Variants in SCN1A observed in about 807,000 individuals in gnomAD.
SCN1A encodes sodium channel protein type 1 subunit alpha.
Under a neutral mutation model 193.7 loss-of-function variants are expected in SCN1A, and 13 were observed. The ratio of observed to expected loss-of-function variants is 0.07; its 90% CI spans 0.04 to 0.11. The LOEUF is 0.11. Ranked by LOEUF, SCN1A falls within the 10% of genes least tolerant of loss-of-function variation. The probability of loss-of-function intolerance (pLI) is 1.00; values close to 1 mark genes in which losing one functional copy is unlikely to be tolerated. For missense variants in SCN1A, 1,432 were observed against 2,451.1 expected (o/e 0.58, Z 8.78); for synonymous variants, 781 against 843.6 (o/e 0.93, Z 1.29).
chr2:165,994,670 CAAACAAACA>C (rs1689770079), intron 27 of SCN1A, among the ~76,000 whole-genome samples: 1 of 151,632 alleles, frequency 6.6e-6, no homozygotes, highest in Non-Finnish European at 1.5e-5. Flanking sequence ...AACAAACAAA[CAAACAAACA>C]AAAGAAACAT....
Position 166,061,741 on chromosome 2 carries a change from T to G in SCN1A, c.265-3053A>C, listed in dbSNP as rs879521284. On this transcript the variant is annotated intron_variant, in intron 4 of 28. Transcript: ENST00000674923. ...AAAAGGAGGTATAAAGGGCTGAAACTAAGTAAGATGAGTTTAATGAAACCA... is the reference window on the plus strand; with the variant it reads ...AAAAGGAGGTATAAAGGGCTGAAACGAAGTAAGATGAGTTTAATGAAACCA... Among the ~76,000 whole-genome samples, 5 of 152,160 alleles carry G rather than the reference T, an allele frequency of 3.3e-5. 1 individual carries two copies. The highest frequency in any genetic ancestry group is 4.1e-4 in the South Asian group (2 of 4,826).
intron 22 of SCN1A, 111 bp from the exon 23 acceptor site, chr2:166,009,952 G>A: frequency 5.8e-6 from 6 of 1,036,626 alleles, no homozygotes; most frequent in Admixed American, 1.9e-5. Context: ...GAGGATAAAT[G>A]TTCAGACATT....
At chr2:166,120,551 A>G (rs1690435687) in intron 2 of SCN1A, among the ~76,000 whole-genome samples, 1 of 149,154 alleles carries the variant, frequency 6.7e-6, no homozygotes, top group Non-Finnish European at 1.5e-5. Context: ...CATTCTTTCA[A>G]CCTTCCAGCA....
At chr2:166,047,527 G>T in intron 11 of SCN1A, 100 bp downstream of exon 11, 2 of 1,340,094 alleles carry the variant, frequency 1.5e-6, no homozygotes, top group Non-Finnish European at 2.1e-6. Context: ...TTCAAGTTCT[G>T]CTCTTTCTAC....
intron 1 of SCN1A, among the ~76,000 whole-genome samples, chr2:166,135,151 CAAG>C (rs1454442815): frequency 6.6e-6 from 1 of 152,058 alleles, no homozygotes; most frequent in East Asian, 1.9e-4. Context: ...AAGCTATTAC[CAAG>C]AACAATATGA....
chr2:166,049,803 C>A (rs1698322846), intron 9 of SCN1A, among the ~76,000 whole-genome samples: 1 of 151,878 alleles, frequency 6.6e-6, no homozygotes, highest in East Asian at 1.9e-4. Flanking sequence ...TACAAATATT[C>A]CTCCTAGAAA....
At chr2:166,101,813 C>G (rs141446526) in intron 2 of SCN1A, among the ~76,000 whole-genome samples, 180 of 152,128 alleles carry the variant, frequency 1.2e-3, no homozygotes, top group African/African-American at 4.1e-3. Context: ...AAGGCCTTGG[C>G]AAAGATTTCA....
chr2:166,124,277 G>T (rs928456359), intron 2 of SCN1A, among the ~76,000 whole-genome samples: 1 of 151,616 alleles, frequency 6.6e-6, no homozygotes. Flanking sequence ...AGCCCGGTGT[G>T]ATGGCTCACT....
chr2:165,991,738 T>C lies in SCN1A; in HGVS notation c.5537A>G (p.Lys1846Arg). 6.2e-7 allele frequency: 1 copy of C among 1,613,880 alleles called. No homozygotes were observed. Among genetic ancestry groups the C allele is most frequent in the South Asian group, 1.1e-5 (1 of 91,082 alleles). ...CAAATCCATGGCAATGAGCTGGAGT[T>C]TGTTTGGTTGTGGCAGATTGAGAGG... ...EPPLNLPQPN[K>R]LQLIAMDLPM... is the part of the protein sequence containing the mutation. Residue 1846 changes from lysine (K) to arginine (R), a missense_variant, in exon 29 of 29, where the codon AAA becomes AGA. Lys to Arg is a conservative substitution (Grantham distance 26). This residue lies in a region of SCN1A where 59 missense variants were observed against 110.6 expected (regional missense o/e 0.53). Coordinates refer to ENST00000674923, the MANE Select transcript of SCN1A (RefSeq NM_001165963.4).
intron 2 of SCN1A, among the ~76,000 whole-genome samples, chr2:166,112,712 C>T (rs1009598588): frequency 6.6e-6 from 1 of 152,016 alleles, no homozygotes. Flanking sequence ...TCTGGAGTGC[C>T]TTTTTGTATG....
rs1020525569 is a variant in SCN1A, at chr2:166,035,428, G to C, written c.3429+620C>G. ...TCCGAGTTAAATCTTTTGTTCCTCAGTGAAATAAAATTTTACATGATGTCA... is the reference window on the plus strand; with the variant it reads ...TCCGAGTTAAATCTTTTGTTCCTCACTGAAATAAAATTTTACATGATGTCA... On this transcript the variant is annotated intron_variant, in intron 19 of 28. Transcript: ENST00000674923. 5.9e-5 allele frequency among the ~76,000 whole-genome samples: 9 copies of C among 151,880 alleles called. 1 individual carries two copies. In the South Asian group the frequency reaches 1.7e-3, roughly 28 times the overall value.
intron 1 of SCN1A, among the ~76,000 whole-genome samples, chr2:166,147,004 G>A (rs1692350008): frequency 6.6e-6 from 1 of 152,096 alleles, no homozygotes; most frequent in Non-Finnish European, 1.5e-5. Flanking sequence ...TTACTTCCCA[G>A]CACAGTGGTT....
At chr2:166,049,333 A>G (rs1698262645) in intron 9 of SCN1A, among the ~76,000 whole-genome samples, 1 of 152,028 alleles carries the variant, frequency 6.6e-6, no homozygotes, top group Non-Finnish European at 1.5e-5. Context: ...GTAAAAATAG[A>G]CAGGAATGAC....
chr2:166,111,931 A>G lies in SCN1A; in HGVS notation c.-142+14993T>C, dbSNP rs573676062. Among the ~76,000 whole-genome samples the G allele has an allele frequency of 2.0e-5, 3 of 152,176 alleles. No individual in the cohort carries two copies. The South Asian group carries it at 6.2e-4, about 31-fold the overall frequency. ...TGCTGCAATGTCATGATAAAACCTT[A>G]AGAGAGGAGGAGTTGCTTCTTATAG... is the stretch of plus-strand genomic sequence containing the variant. On this transcript the variant is annotated intron_variant, in intron 2 of 28. Coordinates refer to ENST00000674923, the MANE Select transcript of SCN1A (RefSeq NM_001165963.4).
intron 24 of SCN1A, 152 bp downstream of exon 24, chr2:166,002,320 A>G (rs1384255765): frequency 1.4e-5 from 11 of 763,458 alleles, no homozygotes; most frequent in African/African-American, 3.5e-5. Flanking sequence ...GTTTTCACCC[A>G]TCTGGGCTCA....
chr2:166,103,742 G>A (rs1276433933), intron 2 of SCN1A, among the ~76,000 whole-genome samples: 2 of 152,088 alleles, frequency 1.3e-5, no homozygotes. Context: ...ATACCATAAA[G>A]AACACTAATA....
chr2:166,019,974 G>C (rs767613688), intron 19 of SCN1A, among the ~76,000 whole-genome samples: 4 of 149,840 alleles, frequency 2.7e-5, no homozygotes, highest in Admixed American at 1.3e-4. Flanking sequence ...GCAGTGGCGC[G>C]ATCTCGGCTC....
At chr2:166,084,279 C>T (rs1433982348) in intron 2 of SCN1A, among the ~76,000 whole-genome samples, 1 of 148,598 alleles carries the variant, frequency 6.7e-6, no homozygotes, top group Non-Finnish European at 1.5e-5. Flanking sequence ...CTCCCCACCC[C>T]TTCCCACTCT....
At chr2:166,048,798 T>C (rs1337228624) in intron 10 of SCN1A, 88 bp downstream of exon 10, 10 of 888,600 alleles carry the variant, frequency 1.1e-5, no homozygotes, top group African/African-American at 1.0e-4. Flanking sequence ...TTGGCTGTTA[T>C]CTTCAGTTTC....
Sources: allele counts gnomAD v4.1 joint callset (sites outside exome capture counted in the v4.1 genomes callset), GRCh38; gene constraint gnomAD v4.1.1; regional missense constraint gnomAD v4.1.1; transcripts MANE v1.5; gene names NCBI Gene and HGNC (gene_info 2026-07-23, HGNC 2026-07-21).